INPP4B: variants seen among roughly 807,000 people sequenced by gnomAD.
INPP4B encodes the protein inositol polyphosphate 4-phosphatase type II.
INPP4B carries 55 observed loss-of-function variants against 122.5 expected under a neutral mutation model. The observed-to-expected ratio is 0.45, with a 90% CI of 0.36 to 0.56. INPP4B has a LOEUF of 0.56. Ranked by LOEUF, INPP4B falls within the 20% of genes least tolerant of loss-of-function variation. The pLI is 0.00. For missense variants in INPP4B, 1,000 were observed against 1,097.7 expected, an observed-to-expected ratio of 0.91 and a Z score of 1.26; for synonymous variants, 403 against 388.7, an observed-to-expected ratio of 1.04 and a Z score of -0.43.
At chr4:142,119,624 C>T (rs572662802) in intron 21 of INPP4B, among the ~76,000 whole-genome samples, 1 of 139,302 alleles carries the variant, frequency 7.2e-6, no homozygotes, top group Admixed American at 7.7e-5. Flanking sequence ...GGATGGGGTA[C>T]ATCATACATT....
chr4:142,638,018 C>A (rs1580580890), intron 2 of INPP4B, among the ~76,000 whole-genome samples: 1 of 152,036 alleles, frequency 6.6e-6, no homozygotes, highest in South Asian at 2.1e-4. Context: ...ATTTTTAGGT[C>A]TTTTGCCCAT....
rs143426921 is a variant in INPP4B at position 142,843,518 on chromosome 4, A to T, written c.-254+2691T>A. ...CATTTAACTTGAGATTATTTAAAAC[A>T]GGGCATTTCTATCTATTAAAATCCC... On this transcript the variant is annotated intron_variant, in intron 1 of 25. Coordinates refer to ENST00000262992, the MANE Select transcript of INPP4B (RefSeq NM_001101669.3). Among the ~76,000 whole-genome samples the T allele has an allele frequency of 1.7e-3, 266 of 152,092 alleles. 3 individuals are homozygous for T. The East Asian group carries it at 0.018, about 10-fold the overall frequency.
intron 7 of INPP4B, among the ~76,000 whole-genome samples, chr4:142,392,166 C>A (rs1043998297): frequency 6.6e-6 from 1 of 152,164 alleles, no homozygotes; most frequent in African/African-American, 2.4e-5. Context: ...ATGGTCCCTG[C>A]ACACTGTTGG....
intron 9 of INPP4B, among the ~76,000 whole-genome samples, chr4:142,290,838 T>A (rs1756150509): frequency 1.3e-5 from 2 of 152,126 alleles, no homozygotes; most frequent in Non-Finnish European, 2.9e-5. Flanking sequence ...GGATATTTAT[T>A]TTCAAAGAAT....
intron 7 of INPP4B, among the ~76,000 whole-genome samples, chr4:142,378,659 G>T (rs915104936): frequency 2.0e-5 from 3 of 152,096 alleles, no homozygotes; most frequent in African/African-American, 7.2e-5. Context: ...TATTAACATT[G>T]CCCTAGGACT....
At chr4:142,063,314 G>A (rs916363419) in intron 25 of INPP4B, among the ~76,000 whole-genome samples, 2 of 152,038 alleles carry the variant, frequency 1.3e-5, no homozygotes, top group Non-Finnish European at 2.9e-5. Context: ...TATCCACCCT[G>A]CCCAGGAGCC....
intron 1 of INPP4B, among the ~76,000 whole-genome samples, chr4:142,779,020 A>G (rs2151021191): frequency 6.6e-6 from 1 of 152,150 alleles, no homozygotes; most frequent in African/African-American, 2.4e-5. Context: ...AAGCCAAATT[A>G]CCAGCTTGCA....
chr4:142,040,576 T>C (rs1480559928), intron 25 of INPP4B, among the ~76,000 whole-genome samples: 1 of 152,158 alleles, frequency 6.6e-6, no homozygotes, highest in African/African-American at 2.4e-5. Context: ...CAAAAATACA[T>C]ATCTGACATA....
intron 11 of INPP4B, among the ~76,000 whole-genome samples, chr4:142,241,386 TCCCCTTGAGGTCCA>T (rs961680855): frequency 6.6e-6 from 1 of 152,090 alleles, no homozygotes; most frequent in African/African-American, 2.4e-5. Context: ...ATTGACACAT[TCCCCTTGAGGTCCA>T]CCCCTTGAGA....
chr4:142,079,627 T>G (rs1376290970), intron 25 of INPP4B, among the ~76,000 whole-genome samples: 1 of 152,088 alleles, frequency 6.6e-6, no homozygotes, highest in African/African-American at 2.4e-5. Context: ...GTGACTTCTT[T>G]ATCTTAAATT....
chr4:142,800,774 T>C (rs1257953190), intron 1 of INPP4B, among the ~76,000 whole-genome samples: 1 of 152,170 alleles, frequency 6.6e-6, no homozygotes, highest in Non-Finnish European at 1.5e-5. Flanking sequence ...CTTTTAGTAT[T>C]TCCTCCTTAG....
intron 25 of INPP4B, among the ~76,000 whole-genome samples, chr4:142,043,323 C>T (rs1749321934): frequency 6.6e-6 from 1 of 152,164 alleles, no homozygotes; most frequent in Non-Finnish European, 1.5e-5. Context: ...CTTAAAACAA[C>T]AGCAGTTACC....
Position 142,045,439 on chromosome 4 carries a change from C to G in INPP4B, c.2643-16525G>C, listed in dbSNP as rs531537331. On this transcript the variant is annotated intron_variant, in intron 25 of 25. Coordinates refer to ENST00000262992, the MANE Select transcript of INPP4B (RefSeq NM_001101669.3). ...TTTCTGATTATGGTCATTGGGAAAG[C>G]CTTACAAGTGGCTTTCCAGAACTTC... Among the ~76,000 whole-genome samples the G allele has an allele frequency of 4.6e-5, 7 of 152,188 alleles. No individual in the cohort carries two copies. The South Asian group carries it at 1.5e-3, about 32-fold the overall frequency.
chr4:142,132,408 TA>T (rs952793031), intron 18 of INPP4B, among the ~76,000 whole-genome samples: 11 of 152,186 alleles, frequency 7.2e-5, no homozygotes, highest in African/African-American at 2.4e-4. Flanking sequence ...TTTAATTTTG[TA>T]GAATTAATTC....
intron 24 of INPP4B, among the ~76,000 whole-genome samples, chr4:142,083,729 G>A (rs1775311328): frequency 2.0e-5 from 3 of 152,084 alleles, no homozygotes; most frequent in South Asian, 4.2e-4. Flanking sequence ...AGAAAAATGT[G>A]AGAGCATGAT....
At chr4:142,721,361 A>C (rs922779708) in intron 2 of INPP4B, among the ~76,000 whole-genome samples, 7 of 152,096 alleles carry the variant, frequency 4.6e-5, no homozygotes, top group Non-Finnish European at 8.8e-5. Context: ...TCTTGCACAA[A>C]AATGCTTTTG....
intron 2 of INPP4B, among the ~76,000 whole-genome samples, chr4:142,601,092 C>A (rs933887741): frequency 6.6e-6 from 1 of 152,086 alleles, no homozygotes; most frequent in African/African-American, 2.4e-5. Flanking sequence ...TTTATACAAT[C>A]ATAATGGGTG....
At chr4:142,603,785 T>C (rs1380575637) in intron 2 of INPP4B, among the ~76,000 whole-genome samples, 1 of 151,990 alleles carries the variant, frequency 6.6e-6, no homozygotes, top group African/African-American at 2.4e-5. Flanking sequence ...CTACAAAATA[T>C]ATAAAGAAGA....
chr4:142,068,038 C>T (rs1020921416), intron 25 of INPP4B, among the ~76,000 whole-genome samples: 1 of 152,004 alleles, frequency 6.6e-6, no homozygotes, highest in Non-Finnish European at 1.5e-5. Context: ...GTCAGATTCA[C>T]AAAAGCTGAA....
Sources: gnomAD v4.1 joint callset for allele counts (sites outside exome capture counted in the v4.1 genomes callset) on GRCh38, gnomAD v4.1.1 for gene constraint, MANE v1.5 for transcripts, NCBI Gene and HGNC (gene_info 2026-07-23, HGNC 2026-07-21) for gene names.